Variants in STRN4 observed in about 807,000 individuals in gnomAD.
The protein encoded by STRN4 is striatin-4.
A neutral mutation model predicts 77.9 loss-of-function variants in STRN4; 27 were observed. The observed-to-expected ratio is 0.35, with a 90% CI of 0.26 to 0.48. STRN4 has a LOEUF of 0.48. Ranked by LOEUF, STRN4 falls within the 20% of genes least tolerant of loss-of-function variation. The pLI is 0.99. For synonymous variants in STRN4, 466 were observed against 443.1 expected, an observed-to-expected ratio of 1.05 and a Z score of -0.65; for missense variants, 798 against 1,049.7, an observed-to-expected ratio of 0.76 and a Z score of 3.31.
chr19:46,728,332 C>T, intron 7 of STRN4: 1 of 586,544 alleles, frequency 1.7e-6, no homozygotes, highest in Non-Finnish European at 3.0e-6. Flanking sequence ...TCATCCTGTT[C>T]CCTCCTTGAG....
Position 46,733,214 on chromosome 19 carries a change from T to C in STRN4, c.562A>G (p.Thr188Ala). 1.9e-6 allele frequency: 3 copies of C among 1,610,764 alleles called. No individual in the cohort carries two copies. The highest frequency in any genetic ancestry group is 1.1e-5 in the South Asian group (1 of 91,072). Residue 188 changes from threonine to alanine, a missense_variant, in exon 5 of 18, where the codon ACA becomes GCA. By Grantham distance (58) the Thr-to-Ala change is moderately conservative. Transcript: ENST00000263280. The surrounding 1 kb of genome is among the most constrained non-coding windows in gnomAD (Gnocchi z 4.3). ...LRQYLEEVGYTDTILDMRSKR... is the reference protein window; with the variant it reads ...LRQYLEEVGYADTILDMRSKR... Reference sequence around the variant, plus strand: ...GACCGCATGTCGAGGATGGTGTCTGTGTAGCCCACCTCTTCCAGGTACCTG... The same window carrying C: ...GACCGCATGTCGAGGATGGTGTCTGCGTAGCCCACCTCTTCCAGGTACCTG...
At position 46,722,833 on chromosome 19, in the gene STRN4, G is replaced by A. The variant is rs749064812; in HGVS notation, c.1883C>T (p.Thr628Met). The change falls in exon 14 of 18, where the codon ACG becomes ATG. Residue 628 changes from threonine to methionine, a missense_variant. Thr to Met is a moderately conservative substitution (Grantham distance 81, BLOSUM62 -1). This residue lies in a region of STRN4 where 287 missense variants were observed against 473.8 expected (regional missense o/e 0.61). Transcript: ENST00000263280. ...YDMEVGSALL[T>M]LESRGSSGPT... ...ACCGCTGCTGCCCCGGGACTCCAGC[G>A]TGAGGAGGGCACTGCCAACCTCCAT... The A allele has an allele frequency of 3.7e-6, 6 of 1,613,908 alleles. No homozygotes were observed. The South Asian group carries it at 4.4e-5, about 12-fold the overall frequency.
Position 46,722,797 on chromosome 19 carries a change from T to C in STRN4, c.1906+13A>G. 6.2e-7 allele frequency: 1 copy of C among 1,613,326 alleles called. No individual in the cohort carries two copies. The highest frequency in any genetic ancestry group is 8.5e-7 in the Non-Finnish European group (1 of 1,179,674). ...CTGAGACCAATTCCATGAGCTGATG[T>C]CAGCCCCCTTACCGCTGCTGCCCCG... On this transcript the variant is annotated intron_variant, in intron 14 of 17. Coordinates refer to ENST00000263280, the MANE Select transcript of STRN4 (RefSeq NM_013403.3).
rs777821630 is a variant in STRN4 at position 46,733,159 on chromosome 19, G to A, written c.617C>T (p.Ser206Leu). The change falls in exon 5 of 18, where the codon TCG (serine) becomes TTG (leucine). Residue 206 changes from serine (S) to leucine (L), a missense_variant. Ser to Leu is a moderately radical substitution (Grantham distance 145, BLOSUM62 -2). Around this residue, in one of 2 missense-constraint regions of STRN4, gnomAD observed 511 missense variants for 575.9 expected, o/e 0.89. Transcript: ENST00000263280. The surrounding 1 kb of genome is among the most constrained non-coding windows in gnomAD (Gnocchi z 4.3). ...SKRVRSLLGR[S>L]LELNGAVEPS... ...CTCCACTGCCCCGTTGAGCTCCAGCGAGCGGCCCAGCAGGGAACGGACGCG... is the reference window on the plus strand; with the variant it reads ...CTCCACTGCCCCGTTGAGCTCCAGCAAGCGGCCCAGCAGGGAACGGACGCG... 19 of 1,611,806 alleles carry A rather than the reference G, an allele frequency of 1.2e-5. No homozygotes were observed. Among genetic ancestry groups the A allele is most frequent in the Non-Finnish European group, 1.4e-5 (17 of 1,180,014 alleles).
At position 46,727,960 on chromosome 19, in the gene STRN4, C is replaced by T. The variant is rs373497460; in HGVS notation, c.1087G>A (p.Val363Met). Residue 363 changes from valine (V) to methionine (M), a missense_variant, in exon 8 of 18, where the codon GTG becomes ATG. By Grantham distance (21) the Val-to-Met change is conservative (BLOSUM62 1). This residue lies in a region of STRN4 where 511 missense variants were observed against 575.9 expected (regional missense o/e 0.89). Transcript: ENST00000263280. Reference sequence around the variant, plus strand: ...GTCACTTTTGGGGGCAGCCCATCCACATCCCGCAGGTCAGCCAGAATGCCT... The same window carrying T: ...GTCACTTTTGGGGGCAGCCCATCCATATCCCGCAGGTCAGCCAGAATGCCT... ...LQGILADLRD[V>M]DGLPPKVTGP... 7 of 1,613,798 alleles carry T rather than the reference C, an allele frequency of 4.3e-6. No homozygotes were observed. The highest frequency in any genetic ancestry group is 5.9e-6 in the Non-Finnish European group (7 of 1,179,918).
At chr19:46,739,957 G>C (rs1172645025) in intron 1 of STRN4, among the ~76,000 whole-genome samples, 2 of 152,172 alleles carry the variant, frequency 1.3e-5, no homozygotes, top group Non-Finnish European at 2.9e-5. Context: ...CCTTACGGGA[G>C]GTAGGATCCC....
intron 4 of STRN4, chr19:46,736,552 CAA>C (rs777686904): frequency 0.19 from 9,169 of 48,288 alleles, 158 homozygotes; most frequent in Non-Finnish European, 0.2. Context: ...GCCACTGAGA[CAA>C]AAAAAAAAAA....
At chr19:46,728,461 A>C in intron 7 of STRN4, 157 bp downstream of exon 7, 1 of 1,030,768 alleles carries the variant, frequency 9.7e-7, no homozygotes, top group Non-Finnish European at 1.4e-6. Flanking sequence ...GGCGGCCATG[A>C]CCTGGGCCTC....
At chr19:46,721,596 T>C (rs556388816) in intron 16 of STRN4, 68 of 231,260 alleles carry the variant, frequency 2.9e-4, no homozygotes, top group Non-Finnish European at 5.3e-4. Context: ...ACAGCCACGT[T>C]GCTGGCCTCA....
Position 46,738,999 on chromosome 19 carries a change from G to A in STRN4, c.283-111C>T. On this transcript the variant is annotated intron_variant, in intron 1 of 17. Transcript: ENST00000263280. This position sits in a 1 kb window ranked among gnomAD's most constrained non-coding sequence, Gnocchi z 4.5. ...AGCCCACAGTCACCCCACAGTAATGGGCAGCAGCCACTTCCTCAGGCACAA... is the reference window on the plus strand; with the variant it reads ...AGCCCACAGTCACCCCACAGTAATGAGCAGCAGCCACTTCCTCAGGCACAA... The A allele has an allele frequency of 2.3e-6, 2 of 851,150 alleles. No individual in the cohort carries two copies. The highest frequency in any genetic ancestry group is 3.8e-6 in the Non-Finnish European group (2 of 521,496). The allele number at this position is 851,150 out of a possible 1,614,324, so 52.7% of individuals were successfully genotyped here. A position where few individuals can be genotyped will look rare whatever the true frequency, so the allele number is the denominator to read the frequency against.
At chr19:46,732,940 C>T (rs1008331262) in intron 5 of STRN4, 99 bp downstream of exon 5, 29 of 1,425,770 alleles carry the variant, frequency 2.0e-5, no homozygotes, top group South Asian at 6.9e-5. Flanking sequence ...GAGGAGGGGC[C>T]GCCAGGGCAC....
chr19:46,733,031 G>A lies in STRN4; in HGVS notation c.737+8C>T, dbSNP rs200721635. On this transcript the variant is annotated splice_region_variant and intron_variant, in intron 5 of 17. Transcript: ENST00000263280. This position sits in a 1 kb window ranked among gnomAD's most constrained non-coding sequence, Gnocchi z 4.3. Reference sequence around the variant, plus strand: ...AGAGAGACACACCTGCCATGTCCACGGGCTCACCTCTTTATCTGCTCCTCG... The same window carrying A: ...AGAGAGACACACCTGCCATGTCCACAGGCTCACCTCTTTATCTGCTCCTCG... 1.5e-5 allele frequency: 24 copies of A among 1,603,312 alleles called. No individual in the cohort carries two copies. The Admixed American group carries it at 1.7e-4, about 11-fold the overall frequency.
At chr19:46,727,812 C>T (rs2054155164) in intron 8 of STRN4, 82 bp downstream of exon 8, 2 of 1,295,776 alleles carry the variant, frequency 1.5e-6, no homozygotes, top group Non-Finnish European at 2.1e-6. Context: ...ACCCTGAAGA[C>T]ACAGAAGCCC....
intron 16 of STRN4, chr19:46,721,219 T>G: frequency 6.4e-6 from 1 of 156,974 alleles, no homozygotes; most frequent in Non-Finnish European, 1.4e-5. Flanking sequence ...ACAAGAGCCT[T>G]AGCAGGGACT....
Position 46,733,898 on chromosome 19 carries a change from G to C in STRN4, c.540-662C>G, listed in dbSNP as rs1010789683. On this transcript the variant is annotated intron_variant, in intron 4 of 17. Transcript: ENST00000263280. The surrounding 1 kb of genome is among the most constrained non-coding windows in gnomAD (Gnocchi z 4.3). ...GGACTAAAAGTAAAAAAAGAAGAAG[G>C]AAAAAAGAACAAAAATCAATTTGGG... is the stretch of plus-strand genomic sequence containing the variant. The C allele has an allele frequency of 4.6e-5, 7 of 152,112 alleles. No individual in the cohort carries two copies. Among genetic ancestry groups the C allele is most frequent in the African/African-American group, 1.4e-4 (6 of 41,400 alleles). The allele number at this position is 152,112 out of a possible 1,614,324, so 9.4% of individuals were successfully genotyped here.
At chr19:46,722,984 G>A in intron 13 of STRN4, 34 bp from the exon 14 acceptor site, 1 of 1,610,626 alleles carries the variant, frequency 6.2e-7, no homozygotes, top group Non-Finnish European at 8.5e-7. Flanking sequence ...CTGCTGAATG[G>A]ACCCTCAGAC....
intron 11 of STRN4, 46 bp downstream of exon 11, chr19:46,725,286 C>T: frequency 6.2e-7 from 1 of 1,613,330 alleles, no homozygotes; most frequent in Non-Finnish European, 8.5e-7. Context: ...AGGAGTCAGG[C>T]TGCATTTAGG....
chr19:46,732,895 G>C (rs1179237084), intron 5 of STRN4, 144 bp downstream of exon 5: 1 of 960,028 alleles, frequency 1.0e-6, no homozygotes, highest in African/African-American at 1.7e-5. Flanking sequence ...AGGGACTCAG[G>C]GTTTCAGAAC....
At chr19:46,735,877 T>G (rs2054349893) in intron 4 of STRN4, among the ~76,000 whole-genome samples, 1 of 151,844 alleles carries the variant, frequency 6.6e-6, no homozygotes, top group Non-Finnish European at 1.5e-5. Context: ...GGCAGGAGAA[T>G]CGCTTGAACC....
Sources: allele counts gnomAD v4.1 joint callset (sites outside exome capture counted in the v4.1 genomes callset), GRCh38; gene constraint gnomAD v4.1.1; regional missense constraint gnomAD v4.1.1; non-coding constraint Gnocchi (gnomAD v3.1); transcripts MANE v1.5; gene names NCBI Gene and HGNC (gene_info 2026-07-23, HGNC 2026-07-21).